Variants in FHIT observed in about 807,000 individuals in gnomAD.
The protein encoded by FHIT is bis(5'-adenosyl)-triphosphatase.
FHIT carries 19 observed loss-of-function variants against 17.9 expected under a neutral mutation model. The ratio of observed to expected loss-of-function variants is 1.06; its 90% CI spans 0.74 to 1.56. The LOEUF is 1.56. Ranked by LOEUF, FHIT falls within the 40% of genes most tolerant of loss-of-function variation. The probability of loss-of-function intolerance (pLI) is 0.00; values close to 1 mark genes in which losing one functional copy is unlikely to be tolerated. For missense variants in FHIT, 248 were observed against 189.2 expected (o/e 1.31, Z -1.82); for synonymous variants, 81 against 69.7 (o/e 1.16, Z -0.81).
intron 4 of FHIT, among the ~76,000 whole-genome samples, chr3:60,774,635 G>T (rs1700159351): frequency 6.6e-6 from 1 of 152,148 alleles, no homozygotes. Flanking sequence ...AGTTAGAGAT[G>T]AACAACAATA....
At chr3:59,846,492 T>C (rs963432186) in intron 8 of FHIT, among the ~76,000 whole-genome samples, 2 of 152,134 alleles carry the variant, frequency 1.3e-5, no homozygotes, top group African/African-American at 4.8e-5. Flanking sequence ...TCTTAAATTA[T>C]ATAGAAAACA....
Position 60,445,235 on chromosome 3 carries a change from A to G in FHIT, c.103+91625T>C, listed in dbSNP as rs2031241955. On this transcript the variant is annotated intron_variant, in intron 5 of 9. Transcript: ENST00000492590. ...GTGGGGCTCATGAATTTGCATTTCA[A>G]ATAAACTCACAGATGATGCCAAATG... Among the ~76,000 whole-genome samples the G allele has an allele frequency of 1.3e-5, 2 of 152,128 alleles. 1 individual carries two copies.
At chr3:60,743,360 C>A (rs2042278245) in intron 4 of FHIT, among the ~76,000 whole-genome samples, 1 of 152,140 alleles carries the variant, frequency 6.6e-6, no homozygotes, top group African/African-American at 2.4e-5. Flanking sequence ...CCTAGGGATG[C>A]AGGTCAATAG....
chr3:60,830,163 T>A (rs1312229948), intron 3 of FHIT, among the ~76,000 whole-genome samples: 1 of 152,138 alleles, frequency 6.6e-6, no homozygotes, highest in African/African-American at 2.4e-5. Flanking sequence ...TTTATTCATA[T>A]CTCTGGGTAT....
At chr3:60,748,116 G>A (rs1378073529) in intron 4 of FHIT, among the ~76,000 whole-genome samples, 2 of 152,158 alleles carry the variant, frequency 1.3e-5, no homozygotes, top group African/African-American at 4.8e-5. Context: ...AAGCTTTGGA[G>A]TAGAGAAAAT....
At chr3:60,015,218 G>A (rs370244910) in intron 5 of FHIT, among the ~76,000 whole-genome samples, 38 of 152,170 alleles carry the variant, frequency 2.5e-4, no homozygotes, top group African/African-American at 7.2e-4. Context: ...ACCCCATTCC[G>A]CTATTGGTAG....
At chr3:60,281,323 A>G (rs12487741) in intron 5 of FHIT, among the ~76,000 whole-genome samples, 38,265 of 152,040 alleles carry the variant, frequency 0.25, 5,595 homozygotes, top group East Asian at 0.71. Flanking sequence ...TATTCTGTGA[A>G]TATCAAAAAG....
At chr3:60,343,051 A>C (rs73104932) in intron 5 of FHIT, among the ~76,000 whole-genome samples, 22,508 of 152,114 alleles carry the variant, frequency 0.15, 1,731 homozygotes, top group Non-Finnish European at 0.16. Flanking sequence ...TGATAGTTAC[A>C]CCCCAGGGAT....
At chr3:59,834,481 G>A (rs139734390) in intron 8 of FHIT, among the ~76,000 whole-genome samples, 106 of 152,234 alleles carry the variant, frequency 7.0e-4, no homozygotes, top group African/African-American at 2.2e-3. Flanking sequence ...AAACTGGTTG[G>A]CTTATAAAAA....
chr3:60,272,211 T>G (rs974070142), intron 5 of FHIT, among the ~76,000 whole-genome samples: 7 of 152,310 alleles, frequency 4.6e-5, no homozygotes, highest in Admixed American at 2.6e-4. Context: ...GAGTGAGAGT[T>G]AAGTGGTATT....
chr3:61,218,042 G>C (rs1172055807), intron 1 of FHIT, among the ~76,000 whole-genome samples: 1 of 152,128 alleles, frequency 6.6e-6, no homozygotes, highest in East Asian at 1.9e-4. Context: ...GACATCTAAA[G>C]GAAAATATCC....
intron 5 of FHIT, among the ~76,000 whole-genome samples, chr3:60,017,107 T>C (rs1169913162): frequency 1.3e-5 from 2 of 152,224 alleles, no homozygotes; most frequent in Non-Finnish European, 2.9e-5. Flanking sequence ...AGAGCTTTCA[T>C]GACTCCATTT....
chr3:60,269,476 C>T (rs1160660268), intron 5 of FHIT, among the ~76,000 whole-genome samples: 1 of 152,216 alleles, frequency 6.6e-6, no homozygotes, highest in East Asian at 1.9e-4. Flanking sequence ...CTATGGGATA[C>T]TACTTCCTGA....
intron 4 of FHIT, among the ~76,000 whole-genome samples, chr3:60,771,949 C>T (rs1382691995): frequency 6.6e-6 from 1 of 152,176 alleles, no homozygotes; most frequent in Non-Finnish European, 1.5e-5. Context: ...CTCTCTTCTG[C>T]AGGAAACTCA....
chr3:60,635,301 T>C (rs1290671646), intron 4 of FHIT, among the ~76,000 whole-genome samples: 1 of 152,218 alleles, frequency 6.6e-6, no homozygotes, highest in African/African-American at 2.4e-5. Flanking sequence ...TTCTTTTTAT[T>C]ATGAATGCAT....
At chr3:60,954,437 G>T (rs1027434989) in intron 3 of FHIT, among the ~76,000 whole-genome samples, 1 of 152,170 alleles carries the variant, frequency 6.6e-6, no homozygotes, top group Non-Finnish European at 1.5e-5. Flanking sequence ...GGAGAGTTTA[G>T]AGAAGCTTTG....
intron 2 of FHIT, among the ~76,000 whole-genome samples, chr3:61,120,826 G>A (rs1298978841): frequency 6.6e-6 from 1 of 151,988 alleles, no homozygotes; most frequent in Non-Finnish European, 1.5e-5. Flanking sequence ...CTAATCCAAT[G>A]CAAGGAAGCT....
chr3:60,532,302 T>C (rs1471570532), intron 5 of FHIT, among the ~76,000 whole-genome samples: 1 of 152,138 alleles, frequency 6.6e-6, no homozygotes, highest in Non-Finnish European at 1.5e-5. Flanking sequence ...ACAGAACAAA[T>C]GAATAATTTT....
chr3:60,258,194 C>T (rs1706112023), intron 5 of FHIT, among the ~76,000 whole-genome samples: 1 of 152,016 alleles, frequency 6.6e-6, no homozygotes, highest in Non-Finnish European at 1.5e-5. Flanking sequence ...TAAAATTTCC[C>T]TTCCTGGCAG....
Sources: allele counts gnomAD v4.1 joint callset (sites outside exome capture counted in the v4.1 genomes callset), GRCh38; gene constraint gnomAD v4.1.1; transcripts MANE v1.5; gene names NCBI Gene and HGNC (gene_info 2026-07-23, HGNC 2026-07-21).